Variants in DDAH1 observed in about 807,000 individuals in gnomAD.
The protein encoded by DDAH1 is dimethylarginine dimethylaminohydrolase 1, also known as N(G),N(G)-dimethylarginine dimethylaminohydrolase 1.
DDAH1 carries 19 observed loss-of-function variants against 28.8 expected under a neutral mutation model. That is an observed-to-expected ratio of 0.66 (90% CI 0.46 to 0.97). DDAH1 has a LOEUF of 0.97. Among genes scored for constraint, DDAH1 ranks in the 50% least tolerant of loss-of-function variants. The pLI, the probability that DDAH1 is intolerant of heterozygous loss-of-function variation, is 0.00. For missense variants in DDAH1, 326 were observed against 375.9 expected (o/e 0.87, Z 1.10); for synonymous variants, 153 against 154.4 (o/e 0.99, Z 0.07).
At chr1:85,519,578 G>A (rs1325719679) in intron 1 of DDAH1, among the ~76,000 whole-genome samples, 11 of 151,212 alleles carry the variant, frequency 7.3e-5, no homozygotes, top group African/African-American at 1.9e-4. Flanking sequence ...TTACTTACAC[G>A]GACAAAAAAG....
rs1661221677 is a variant in DDAH1 at position 85,319,190 on chromosome 1, T to C, written c.*2262A>G. The C allele has an allele frequency of 6.6e-6, 1 of 152,008 alleles. No individual in the cohort carries two copies. The highest frequency in any genetic ancestry group is 1.5e-5 in the Non-Finnish European group (1 of 67,998). 9.4% of individuals were successfully genotyped at this position (152,008 alleles called of 1,614,324 possible). ...TTAGGTTTTCACATCATCAATCATA[T>C]AGGGAGTCCAAAGAAGCCAGCCTAG... On this transcript the variant is annotated 3_prime_UTR_variant, in exon 6 of 6. Coordinates refer to ENST00000284031, the MANE Select transcript of DDAH1 (RefSeq NM_012137.4).
intron 4 of DDAH1, among the ~76,000 whole-genome samples, chr1:85,335,672 T>C (rs1457914363): frequency 6.6e-6 from 1 of 151,930 alleles, no homozygotes; most frequent in African/African-American, 2.4e-5. Context: ...AAAAAGCAAA[T>C]GTTGGCTGGG....
intron 1 of DDAH1, among the ~76,000 whole-genome samples, chr1:85,571,536 T>A (rs1401639558): frequency 6.6e-6 from 1 of 152,234 alleles, no homozygotes; most frequent in Non-Finnish European, 1.5e-5. Context: ...AGCATCTGCA[T>A]CTCCCCTAGG....
At chr1:85,507,591 C>A (rs55866846) in intron 1 of DDAH1, among the ~76,000 whole-genome samples, 37,470 of 152,056 alleles carry the variant, frequency 0.25, 5,350 homozygotes, top group East Asian at 0.44. Flanking sequence ...ATGTCATTAT[C>A]ATTTCTAATA....
chr1:85,425,020 T>C (rs183533355), intron 1 of DDAH1, among the ~76,000 whole-genome samples: 48 of 152,238 alleles, frequency 3.2e-4, no homozygotes, highest in Admixed American at 7.9e-4. Context: ...CATTTACTTA[T>C]GCTCTGTTAA....
At chr1:85,541,028 G>A (rs1557743529) in intron 1 of DDAH1, among the ~76,000 whole-genome samples, 1 of 149,112 alleles carries the variant, frequency 6.7e-6, no homozygotes, top group Non-Finnish European at 1.5e-5. Context: ...TCATTTGGAT[G>A]ACTAATCAGA....
At chr1:85,456,954 G>A (rs1022362960) in intron 1 of DDAH1, among the ~76,000 whole-genome samples, 1 of 152,148 alleles carries the variant, frequency 6.6e-6, no homozygotes, top group Non-Finnish European at 1.5e-5. Flanking sequence ...CTCCAGAGTG[G>A]GCTACATTGT....
chr1:85,450,789 T>C (rs532555670), intron 1 of DDAH1, among the ~76,000 whole-genome samples: 94 of 152,348 alleles, frequency 6.2e-4, no homozygotes, highest in South Asian at 2.7e-3. Context: ...AGGAATTTTT[T>C]AAGTACTTAA....
At chr1:85,402,360 A>G (rs1459085619) in intron 1 of DDAH1, among the ~76,000 whole-genome samples, 1 of 152,006 alleles carries the variant, frequency 6.6e-6, no homozygotes, top group Non-Finnish European at 1.5e-5. Flanking sequence ...CCAGGGTCTA[A>G]GTGTGAATGC....
chr1:85,469,743 T>C (rs1655554270), upstream of DDAH1, among the ~76,000 whole-genome samples: 1 of 152,190 alleles, frequency 6.6e-6, no homozygotes, highest in Admixed American at 6.5e-5. Context: ...ATAGATTCAA[T>C]AAATATTTAT....
chr1:85,436,993 T>C (rs1012287705), intron 1 of DDAH1, among the ~76,000 whole-genome samples: 1 of 152,088 alleles, frequency 6.6e-6, no homozygotes, highest in Non-Finnish European at 1.5e-5. Flanking sequence ...TCCTTTCCCT[T>C]GAATATGGGC....
intron 1 of DDAH1, among the ~76,000 whole-genome samples, chr1:85,555,370 T>C (rs1658931027): frequency 6.6e-6 from 1 of 152,228 alleles, no homozygotes; most frequent in African/African-American, 2.4e-5. Flanking sequence ...ATTGAGTAAA[T>C]TGTCCTTAGG....
At chr1:85,394,088 C>A (rs999792718) in intron 1 of DDAH1, among the ~76,000 whole-genome samples, 41 of 152,272 alleles carry the variant, frequency 2.7e-4, no homozygotes, top group African/African-American at 9.1e-4. Context: ...AGAAAAACTG[C>A]ACTAAATGCT....
At chr1:85,340,165 T>A (rs757808945) in intron 4 of DDAH1, among the ~76,000 whole-genome samples, 2 of 152,122 alleles carry the variant, frequency 1.3e-5, no homozygotes, top group Non-Finnish European at 2.9e-5. Flanking sequence ...CTGCTGCCAA[T>A]GGAAACTGAA....
chr1:85,375,100 T>C (rs953791685), intron 1 of DDAH1, among the ~76,000 whole-genome samples: 19 of 152,100 alleles, frequency 1.2e-4, no homozygotes, highest in African/African-American at 4.1e-4. Context: ...CTTCTCTAAA[T>C]ATGCATGAAT....
At chr1:85,476,195 C>T (rs1398301375) in intron 2 of DDAH1, among the ~76,000 whole-genome samples, 6 of 152,130 alleles carry the variant, frequency 3.9e-5, no homozygotes, top group East Asian at 1.9e-4. Context: ...TTTATTTTGC[C>T]CTTCACCTAC....
At chr1:85,454,027 G>A (rs1146384) in intron 1 of DDAH1, among the ~76,000 whole-genome samples, 18,976 of 152,008 alleles carry the variant, frequency 0.12, 1,499 homozygotes, top group South Asian at 0.28. Flanking sequence ...CCCAGTGTCT[G>A]TGTAGGTCTC....
At chr1:85,511,268 T>C (rs1193348212) in intron 1 of DDAH1, among the ~76,000 whole-genome samples, 1 of 152,082 alleles carries the variant, frequency 6.6e-6, no homozygotes, top group African/African-American at 2.4e-5. Flanking sequence ...AATAATGAAA[T>C]GAAGGCAGAA....
At chr1:85,561,714 G>A (rs1400669451) in intron 1 of DDAH1, among the ~76,000 whole-genome samples, 2 of 152,266 alleles carry the variant, frequency 1.3e-5, no homozygotes, top group East Asian at 3.9e-4. Context: ...GGTATAACAT[G>A]TTAGGTGTAA....
Sources: allele counts gnomAD v4.1 joint callset (sites outside exome capture counted in the v4.1 genomes callset), GRCh38; gene constraint gnomAD v4.1.1; transcripts MANE v1.5; gene names NCBI Gene and HGNC (gene_info 2026-07-23, HGNC 2026-07-21).